MOB3B: variants seen among roughly 807,000 people sequenced by gnomAD.
MOB3B encodes the protein MOB kinase activator 3B, also known as MOB kinase activator-like 2B.
Under a neutral mutation model 18.7 loss-of-function variants are expected in MOB3B, and 7 were observed. The observed-to-expected ratio is 0.37, with a 90% confidence interval of 0.21 to 0.70. The LOEUF is 0.70. Among genes scored for constraint, MOB3B ranks in the 30% least tolerant of loss-of-function variants. The pLI is 0.52. For synonymous variants in MOB3B, 111 were observed against 99.9 expected, an observed-to-expected ratio of 1.11 and a Z score of -0.66; for missense variants, 253 against 281.3, an observed-to-expected ratio of 0.90 and a Z score of 0.72.
intron 3 of MOB3B, among the ~76,000 whole-genome samples, chr9:27,342,212 G>T (rs1820953203): frequency 6.6e-6 from 1 of 152,160 alleles, no homozygotes; most frequent in African/African-American, 2.4e-5. Context: ...ACCATGACCA[G>T]TGAGACTCTC....
At chr9:27,512,016 G>A (rs1820154639) in intron 1 of MOB3B, among the ~76,000 whole-genome samples, 1 of 152,046 alleles carries the variant, frequency 6.6e-6, no homozygotes, top group Non-Finnish European at 1.5e-5. Flanking sequence ...GTCCCTCTAA[G>A]CCTAACCATA....
intron 2 of MOB3B, among the ~76,000 whole-genome samples, chr9:27,422,267 A>G (rs1400312764): frequency 7.9e-5 from 12 of 152,222 alleles, no homozygotes; most frequent in Non-Finnish European, 1.6e-4. Context: ...ATTTCCCACT[A>G]TTTCCTCAGT....
intron 2 of MOB3B, among the ~76,000 whole-genome samples, chr9:27,446,685 T>C (rs1156764561): frequency 6.6e-6 from 1 of 152,210 alleles, no homozygotes; most frequent in Non-Finnish European, 1.5e-5. Flanking sequence ...AGCTTACTGC[T>C]CTATGTCCTA....
chr9:27,481,507 T>G (rs7046395), intron 1 of MOB3B, among the ~76,000 whole-genome samples: 1,494 of 102,322 alleles, frequency 0.015, 27 homozygotes, highest in African/African-American at 0.045. Flanking sequence ...GTTTTTTTTT[T>G]TTTGTTTTTT....
At chr9:27,455,818 T>A (rs1181033024) in intron 1 of MOB3B, 70 bp from the exon 2 acceptor site, 2 of 1,345,704 alleles carry the variant, frequency 1.5e-6, no homozygotes, top group Admixed American at 6.6e-5. Context: ...GTCTTCAACC[T>A]GATTTCCACC....
At chr9:27,392,869 T>A (rs1480053947) in intron 2 of MOB3B, among the ~76,000 whole-genome samples, 1 of 152,222 alleles carries the variant, frequency 6.6e-6, no homozygotes, top group Non-Finnish European at 1.5e-5. Flanking sequence ...CATGGATTAA[T>A]CAACTGACAT....
chr9:27,482,585 A>G (rs1417241704), intron 1 of MOB3B, among the ~76,000 whole-genome samples: 2 of 152,176 alleles, frequency 1.3e-5, no homozygotes, highest in African/African-American at 2.4e-5. Flanking sequence ...TGTGGCTTCC[A>G]AGGCTTTTCA....
chr9:27,520,430 C>G (rs1810258192), intron 1 of MOB3B, among the ~76,000 whole-genome samples: 1 of 152,204 alleles, frequency 6.6e-6, no homozygotes, highest in Admixed American at 6.5e-5. Context: ...ACAAACTCAG[C>G]AGTTATGCCA....
chr9:27,406,959 C>T (rs1172878055), intron 2 of MOB3B, among the ~76,000 whole-genome samples: 5 of 152,166 alleles, frequency 3.3e-5, no homozygotes, highest in African/African-American at 9.6e-5. Flanking sequence ...CTGCCTCAGC[C>T]TCCTGAGTAG....
At chr9:27,490,334 T>G (rs10435784) in intron 1 of MOB3B, among the ~76,000 whole-genome samples, 96,820 of 152,030 alleles carry the variant, frequency 0.64, 31,950 homozygotes, top group Non-Finnish European at 0.71. Flanking sequence ...TGAGAGAGAT[T>G]AGACACAGAC....
intron 2 of MOB3B, among the ~76,000 whole-genome samples, chr9:27,387,387 T>A (rs1470290879): frequency 6.6e-6 from 1 of 152,196 alleles, no homozygotes; most frequent in East Asian, 1.9e-4. Context: ...AGAGCCTGGA[T>A]CTGAACCCAG....
chr9:27,465,889 A>C (rs966998461), intron 1 of MOB3B, among the ~76,000 whole-genome samples: 8 of 152,088 alleles, frequency 5.3e-5, no homozygotes, highest in African/African-American at 1.9e-4. Flanking sequence ...CAGCACGGGG[A>C]TCCTGGGACC....
intron 3 of MOB3B, among the ~76,000 whole-genome samples, chr9:27,347,524 G>A (rs748936231): frequency 2.0e-5 from 3 of 152,238 alleles, no homozygotes; most frequent in African/African-American, 4.8e-5. Context: ...CTTGGGGGAT[G>A]GACTTCTAGG....
chr9:27,451,632 G>A (rs970076130), intron 2 of MOB3B, among the ~76,000 whole-genome samples: 1 of 152,144 alleles, frequency 6.6e-6, no homozygotes, highest in African/African-American at 2.4e-5. Context: ...TCACAGTGGG[G>A]AGGAGATGAA....
intron 2 of MOB3B, among the ~76,000 whole-genome samples, chr9:27,369,636 G>C (rs1168384198): frequency 6.6e-6 from 1 of 152,164 alleles, no homozygotes; most frequent in Admixed American, 6.5e-5. Flanking sequence ...ACATGCAGTG[G>C]TCCACCATCA....
At chr9:27,397,331 T>G (rs1274754802) in intron 2 of MOB3B, 1 of 151,128 alleles carries the variant, frequency 6.6e-6, no homozygotes, top group Non-Finnish European at 1.5e-5. Flanking sequence ...TCATCAAGAT[T>G]GCTATATTAA....
intron 1 of MOB3B, among the ~76,000 whole-genome samples, chr9:27,487,161 T>TAAAATAAAA (rs1819740806): frequency 6.6e-6 from 1 of 150,670 alleles, no homozygotes; most frequent in African/African-American, 2.4e-5. Context: ...ATAAAATAAA[T>TAAAATAAAA]AAATAATTCT....
At chr9:27,474,809 G>A (rs1819527690) in intron 1 of MOB3B, among the ~76,000 whole-genome samples, 1 of 152,224 alleles carries the variant, frequency 6.6e-6, no homozygotes, top group South Asian at 2.1e-4. Flanking sequence ...TATATGAAAT[G>A]TTAAAACATG....
chr9:27,402,892 A>C (rs544143441), intron 2 of MOB3B, among the ~76,000 whole-genome samples: 1 of 152,340 alleles, frequency 6.6e-6, no homozygotes, highest in South Asian at 2.1e-4. Flanking sequence ...ACAGCTTGCA[A>C]TTGTGCGATG....
Sources: allele counts gnomAD v4.1 joint callset (sites outside exome capture counted in the v4.1 genomes callset), GRCh38; gene constraint gnomAD v4.1.1; transcripts MANE v1.5; gene names NCBI Gene and HGNC (gene_info 2026-07-23, HGNC 2026-07-21).